C2CD4C: variants seen among roughly 807,000 people sequenced by gnomAD.
C2CD4C encodes C2 calcium dependent domain containing 4C.
Under a neutral mutation model 4.1 loss-of-function variants are expected in C2CD4C, and 3 were observed. The observed-to-expected ratio is 0.73, with a 90% confidence interval of 0.33 to 1.88. C2CD4C has a LOEUF of 1.88. Ranked by LOEUF, C2CD4C falls within the 40% of genes most tolerant of loss-of-function variation. C2CD4C has a pLI of 0.08. For missense variants in C2CD4C, 664 were observed against 621.5 expected, an observed-to-expected ratio of 1.07 and a Z score of -0.73; for synonymous variants, 364 against 290.4, an observed-to-expected ratio of 1.25 and a Z score of -2.57.
In C2CD4C at chr19:406,370, T is replaced by C. The variant is rs8104383; in HGVS notation, c.*726A>G. Reference sequence around the variant, plus strand: ...CCCAAAAAGCCAGCGGCGACAGTGTTGGAGGAAAACAGGCCAGGAGAGCCG... The same window carrying C: ...CCCAAAAAGCCAGCGGCGACAGTGTCGGAGGAAAACAGGCCAGGAGAGCCG... On this transcript the variant is annotated 3_prime_UTR_variant, in exon 2 of 2. Coordinates refer to ENST00000332235, the MANE Select transcript of C2CD4C (RefSeq NM_001136263.2). 95,743 of 152,258 alleles carry C rather than the reference T, an allele frequency of 0.63. 32,682 individuals carry two copies. The highest frequency in any genetic ancestry group is 0.78 in the Non-Finnish European group (53,295 of 68,064). 9.4% of individuals were successfully genotyped at this position (152,258 alleles called of 1,614,324 possible). A position where few individuals can be genotyped will look rare whatever the true frequency, so the allele number is the denominator to read the frequency against.
chr19:408,771 G>C (rs1045873231), intron 1 of C2CD4C, among the ~76,000 whole-genome samples: 11 of 152,160 alleles, frequency 7.2e-5, no homozygotes, highest in African/African-American at 2.7e-4. Flanking sequence ...GATGTGGGTG[G>C]ACCCCCGGGG....
At position 407,601 on chromosome 19, in the gene C2CD4C, C is replaced by G; in HGVS notation, c.761G>C (p.Arg254Pro). The change falls in exon 2 of 2, where the codon CGG becomes CCG. Residue 254 changes from arginine (R) to proline (P), a missense_variant. By Grantham distance (103) the Arg-to-Pro change is moderately radical. Coordinates refer to ENST00000332235, the MANE Select transcript of C2CD4C (RefSeq NM_001136263.2). The stretch of plus-strand genomic sequence containing the variant: ...GGAGCCGTGGCGGCCCACGGAGTGC[C>G]GGAGCTGGCTCACCTTGGCCTGGCT... The part of the protein sequence containing the change: ...QDSQAKVSQL[R>P]HSVGRHGSLS... 6.9e-7 allele frequency: 1 copy of G among 1,442,290 alleles called. No individual in the cohort carries two copies. The allele number at this position is 1,442,290 out of a possible 1,614,324, so 89.3% of individuals were successfully genotyped here.
In C2CD4C at chr19:407,207, G is replaced by A; in HGVS notation, c.1155C>T (p.Val385=). ...FFFDGLGPAS[V]RKLALRIKVV... ...CCTTGATCCTGAGGGCCAGTTTCCGGACGCTGGCGGGCCCCAGGCCGTCGA... is the reference window on the plus strand; with the variant it reads ...CCTTGATCCTGAGGGCCAGTTTCCGAACGCTGGCGGGCCCCAGGCCGTCGA... The change falls in exon 2 of 2, where the codon GTC becomes GTT. Residue 385 remains valine, a synonymous_variant. Transcript: ENST00000332235. 1.3e-6 allele frequency: 2 copies of A among 1,550,274 alleles called. No homozygotes were observed. The highest frequency in any genetic ancestry group is 1.7e-6 in the Non-Finnish European group (2 of 1,146,888).
rs2145673019 is a variant in C2CD4C, at chr19:406,863, T to TC, written c.*232dup. ...TCCCCCGAGGCCCCTCTCCTCCTCC[T>TC]CCTCCTCCTCCAAAGGAGAAATTAA... On this transcript the variant is annotated 3_prime_UTR_variant, in exon 2 of 2. Coordinates refer to ENST00000332235, the MANE Select transcript of C2CD4C (RefSeq NM_001136263.2). 1.9e-6 allele frequency: 1 copy of TC among 514,584 alleles called. No individual in the cohort carries two copies. Among genetic ancestry groups the TC allele is most frequent in the African/African-American group, 2.0e-5 (1 of 50,732 alleles). The allele number at this position is 514,584 out of a possible 1,614,324, so 31.9% of individuals were successfully genotyped here.
intron 1 of C2CD4C, 92 bp from the exon 2 acceptor site, chr19:408,493 T>G (rs1236838981): frequency 3.7e-3 from 825 of 222,836 alleles, no homozygotes; most frequent in East Asian, 8.1e-3. Context: ...GGCAGGGCCC[T>G]GCCGGCGGGG....
intron 1 of C2CD4C, 46 bp downstream of exon 1, chr19:408,960 G>A (rs1322787080): frequency 6.6e-6 from 1 of 152,174 alleles, no homozygotes; most frequent in Admixed American, 6.6e-5. Context: ...GGTGGGGGGT[G>A]GGGTCCCGGC....
Position 409,109 on chromosome 19 carries a change from G to A in C2CD4C, c.-144C>T, listed in dbSNP as rs575514238. The A allele has an allele frequency of 2.4e-3, 364 of 153,112 alleles. 1 individual carries two copies. The highest frequency in any genetic ancestry group is 6.8e-3 in the Middle Eastern group (2 of 296). The allele number at this position is 153,112 out of a possible 1,614,324, so 9.5% of individuals were successfully genotyped here. ...GCGCGGGGGACGCGGCCGGAGCTTC[G>A]ATGCGGGCGGCGGCGGCGGCGGCAG... On this transcript the variant is annotated 5_prime_UTR_variant, in exon 1 of 2. Coordinates refer to ENST00000332235, the MANE Select transcript of C2CD4C (RefSeq NM_001136263.2).
rs1167079512 is a variant in C2CD4C at position 407,287 on chromosome 19, G to A, written c.1075C>T (p.Arg359Cys). 3 of 1,550,030 alleles carry A rather than the reference G, an allele frequency of 1.9e-6. No homozygotes were observed. The highest frequency in any genetic ancestry group is 1.4e-5 in the African/African-American group (1 of 73,178). ...CLVPGKLQKQ[R>C]STIVKNSRRP... ...CGGCTGTTCTTCACGATGGTGCTGC[G>A]CTGCTTCTGCAGCTTGCCCGGCACC... Residue 359 changes from arginine (R) to cysteine (C), a missense_variant, in exon 2 of 2, where the codon CGC becomes TGC. By Grantham distance (180) the Arg-to-Cys change is radical. Coordinates refer to ENST00000332235, the MANE Select transcript of C2CD4C (RefSeq NM_001136263.2).
In C2CD4C at chr19:407,032, C is replaced by A; in HGVS notation, c.*64G>T. 7.0e-7 allele frequency: 1 copy of A among 1,423,678 alleles called. No individual in the cohort carries two copies. The highest frequency in any genetic ancestry group is 9.3e-7 in the Non-Finnish European group (1 of 1,075,224). The allele number at this position is 1,423,678 out of a possible 1,614,324, so 88.2% of individuals were successfully genotyped here. ...GCCAGCGGACCCGCCCGCCAGCACC[C>A]GGTGTGGAGGAGAGACCGGGGTCTG... On this transcript the variant is annotated 3_prime_UTR_variant, in exon 2 of 2. Coordinates refer to ENST00000332235, the MANE Select transcript of C2CD4C (RefSeq NM_001136263.2).
Position 408,173 on chromosome 19 carries a change from G to C in C2CD4C, c.189C>G (p.Gly63=). ...PPKLPSGPAE[G]EGQAALGPST... ...AGGGGCCCAGCGCGGCCTGTCCCTC[G>C]CCCTCCGCGGGGCCCGAGGGCAGCT... Residue 63 remains glycine, a synonymous_variant, in exon 2 of 2, where the codon GGC becomes GGG. Transcript: ENST00000332235. 6.9e-7 allele frequency: 1 copy of C among 1,451,248 alleles called. No individual in the cohort carries two copies. Among genetic ancestry groups the C allele is most frequent in the Non-Finnish European group, 9.1e-7 (1 of 1,101,816 alleles). The allele number at this position is 1,451,248 out of a possible 1,614,324, so 89.9% of individuals were successfully genotyped here. A position where few individuals can be genotyped will look rare whatever the true frequency, so the allele number is the denominator to read the frequency against.
Position 408,323 on chromosome 19 carries a change from C to T in C2CD4C, c.39G>A (p.Arg13=), listed in dbSNP as rs1460437120. The change falls in exon 2 of 2, where the codon CGG becomes CGA. Residue 13 remains arginine, a synonymous_variant. Coordinates refer to ENST00000332235, the MANE Select transcript of C2CD4C (RefSeq NM_001136263.2). The stretch of plus-strand genomic sequence containing the variant: ...GGGCAGCACCGTTTTCCCCAGACCC[C>T]CGAAGCCGCTCCAAGAACCACATGT... ...KTNMWFLERL[R]GSGENGAARG... is the part of the protein sequence containing the mutation. 1 of 1,548,002 alleles carries T rather than the reference C, an allele frequency of 6.5e-7. No homozygotes were observed. Among genetic ancestry groups the T allele is most frequent in the Non-Finnish European group, 8.7e-7 (1 of 1,145,898 alleles).
chr19:406,920 G>A lies in C2CD4C; in HGVS notation c.*176C>T. 3.4e-6 allele frequency: 2 copies of A among 589,452 alleles called. No homozygotes were observed. Among genetic ancestry groups the A allele is most frequent in the East Asian group, 5.9e-5 (2 of 33,838 alleles). 36.5% of individuals were successfully genotyped at this position (589,452 alleles called of 1,614,324 possible). ...AAAAATAATACTCCAGTCAGCATCGGGTGACCCAGGAAACCCTGCGTCAGC... is the reference window on the plus strand; with the variant it reads ...AAAAATAATACTCCAGTCAGCATCGAGTGACCCAGGAAACCCTGCGTCAGC... On this transcript the variant is annotated 3_prime_UTR_variant, in exon 2 of 2. Coordinates refer to ENST00000332235, the MANE Select transcript of C2CD4C (RefSeq NM_001136263.2).
chr19:408,070 C>A lies in C2CD4C; in HGVS notation c.292G>T (p.Ala98Ser). Residue 98 changes from alanine (A) to serine (S), a missense_variant, in exon 2 of 2, where the codon GCC (alanine) becomes TCC (serine). Coordinates refer to ENST00000332235, the MANE Select transcript of C2CD4C (RefSeq NM_001136263.2). Reference sequence around the variant, plus strand: ...GCCTTCAGCAGGCTCTTGCTCTCGGCTGCCAGCTTGGCAGGCAGCCGGGGG... The same window carrying A: ...GCCTTCAGCAGGCTCTTGCTCTCGGATGCCAGCTTGGCAGGCAGCCGGGGG... ...RSPRLPAKLAAESKSLLKAAT... is the reference protein window; with the variant it reads ...RSPRLPAKLASESKSLLKAAT... 6.6e-7 allele frequency: 1 copy of A among 1,511,556 alleles called. No homozygotes were observed. Among genetic ancestry groups the A allele is most frequent in the African/African-American group, 1.4e-5 (1 of 70,680 alleles). The allele number at this position is 1,511,556 out of a possible 1,614,324, so 93.6% of individuals were successfully genotyped here.
chr19:407,933 C>T lies in C2CD4C; in HGVS notation c.429G>A (p.Lys143=). 6.5e-7 allele frequency: 1 copy of T among 1,548,602 alleles called. No homozygotes were observed. Among genetic ancestry groups the T allele is most frequent in the South Asian group, 1.2e-5 (1 of 83,912 alleles). Residue 143 remains lysine (K), a synonymous_variant, in exon 2 of 2, where the codon AAG becomes AAA. Transcript: ENST00000332235. The stretch of plus-strand genomic sequence containing the variant: ...TGGCGAAGCCGTAGGACGTCTGGGC[C>T]TTGGGCACCGAGGGCAGGGACATGG... ...QGAMSLPSVP[K]AQTSYGFAML... is the part of the protein sequence containing the mutation.
Position 408,182 on chromosome 19 carries a change from G to C in C2CD4C, c.180C>G (p.Pro60=). Residue 60 remains proline (P), a synonymous_variant, in exon 2 of 2, where the codon CCC becomes CCG. Transcript: ENST00000332235. ...FFIPPKLPSG[P]AEGEGQAALG... is the part of the protein sequence containing the mutation. ...GCGCGGCCTGTCCCTCGCCCTCCGC[G>C]GGGCCCGAGGGCAGCTTGGGGGGGA... The C allele has an allele frequency of 6.9e-7, 1 of 1,450,906 alleles. No homozygotes were observed. Among genetic ancestry groups the C allele is most frequent in the Non-Finnish European group, 9.1e-7 (1 of 1,101,520 alleles). The allele number at this position is 1,450,906 out of a possible 1,614,324, so 89.9% of individuals were successfully genotyped here.
intron 1 of C2CD4C, among the ~76,000 whole-genome samples, 176 bp downstream of exon 1, chr19:408,830 G>T (rs1470979264): frequency 6.6e-6 from 1 of 152,112 alleles, no homozygotes; most frequent in Non-Finnish European, 1.5e-5. Context: ...GCTCCTCCCT[G>T]GACCGGAGGG....
At position 406,995 on chromosome 19, in the gene C2CD4C, G is replaced by T; in HGVS notation, c.*101C>A. 1.8e-6 allele frequency: 1 copy of T among 569,388 alleles called. No individual in the cohort carries two copies. Among genetic ancestry groups the T allele is most frequent in the Non-Finnish European group, 2.8e-6 (1 of 351,360 alleles). 35.3% of individuals were successfully genotyped at this position (569,388 alleles called of 1,614,324 possible). ...CTGAGTGTGAGCCCCTCCCCGGCCAGCCCCAGCCCAAGCCAGCGGACCCGC... is the reference window on the plus strand; with the variant it reads ...CTGAGTGTGAGCCCCTCCCCGGCCATCCCCAGCCCAAGCCAGCGGACCCGC... On this transcript the variant is annotated 3_prime_UTR_variant, in exon 2 of 2. Transcript: ENST00000332235.
At position 408,156 on chromosome 19, in the gene C2CD4C, A is replaced by C; in HGVS notation, c.206T>G (p.Leu69Arg). 1 of 1,452,874 alleles carries C rather than the reference A, an allele frequency of 6.9e-7. No homozygotes were observed. Among genetic ancestry groups the C allele is most frequent in the Non-Finnish European group, 9.1e-7 (1 of 1,102,294 alleles). The allele number at this position is 1,452,874 out of a possible 1,614,324, so 90.0% of individuals were successfully genotyped here. A position where few individuals can be genotyped will look rare whatever the true frequency, so the allele number is the denominator to read the frequency against. The change falls in exon 2 of 2, where the codon CTG becomes CGG. Residue 69 changes from leucine to arginine, a missense_variant. Transcript: ENST00000332235. ...GTTCTGTTCCGACGTGGAGGGGCCC[A>C]GCGCGGCCTGTCCCTCGCCCTCCGC... is the stretch of plus-strand genomic sequence containing the variant. Reference protein sequence around the residue: ...GPAEGEGQAALGPSTSEQNLA... With the variant: ...GPAEGEGQAARGPSTSEQNLA...
chr19:407,546 G>T lies in C2CD4C; in HGVS notation c.816C>A (p.Ala272=), dbSNP rs111656193. 1 of 1,392,520 alleles carries T rather than the reference G, an allele frequency of 7.2e-7. No homozygotes were observed. Among genetic ancestry groups the T allele is most frequent in the Non-Finnish European group, 9.3e-7 (1 of 1,073,962 alleles). The allele number at this position is 1,392,520 out of a possible 1,614,324, so 86.3% of individuals were successfully genotyped here. A position where few individuals can be genotyped will look rare whatever the true frequency, so the allele number is the denominator to read the frequency against. The change falls in exon 2 of 2, where the codon GCC becomes GCA. Residue 272 remains alanine (A), a synonymous_variant. Coordinates refer to ENST00000332235, the MANE Select transcript of C2CD4C (RefSeq NM_001136263.2). ...SLSADDSTPD[A]SPGSRRRLTR... ...TCAGGCGGCGCCGGCTCCCGGGGCTGGCGTCCGGGGTGCTGTCGTCCGCAG... is the reference window on the plus strand; with the variant it reads ...TCAGGCGGCGCCGGCTCCCGGGGCTTGCGTCCGGGGTGCTGTCGTCCGCAG...
Sources: allele counts gnomAD v4.1 joint callset (sites outside exome capture counted in the v4.1 genomes callset), GRCh38; gene constraint gnomAD v4.1.1; transcripts MANE v1.5; gene names NCBI Gene and HGNC (gene_info 2026-07-23, HGNC 2026-07-21).